Variants in ARHGAP44 observed in about 807,000 individuals in gnomAD.
ARHGAP44 encodes the protein rho GTPase-activating protein 44.
Under a neutral mutation model 106.8 loss-of-function variants are expected in ARHGAP44, and 43 were observed. The ratio of observed to expected loss-of-function variants is 0.40; its 90% CI spans 0.32 to 0.52. ARHGAP44 has a LOEUF of 0.52. Ranked by LOEUF, ARHGAP44 falls within the 20% of genes least tolerant of loss-of-function variation. The pLI is 0.48. For missense variants in ARHGAP44, 866 were observed against 1,050.5 expected (o/e 0.82, Z 2.43); for synonymous variants, 439 against 410.3 (o/e 1.07, Z -0.85).
In ARHGAP44 at chr17:12,980,171, C is replaced by T. The variant is rs770184726; in HGVS notation, c.1877C>T (p.Pro626Leu). Reference protein sequence around the residue: ...TQPGAQPGAQPGASPSPSQPP... With the variant: ...TQPGAQPGAQLGASPSPSQPP... ...CCAGGGGCTCAACCTGGAGCTCAGC[C>T]GGGCGCCAGCCCCAGCCCCAGCCAG... Residue 626 changes from proline (P) to leucine (L), a missense_variant, in exon 19 of 21, where the codon CCG becomes CTG. Physicochemically the swap from Pro to Leu is moderately conservative, Grantham distance 98 (BLOSUM62 -3). Transcript: ENST00000379672. The T allele has an allele frequency of 1.7e-5, 27 of 1,612,972 alleles. No homozygotes were observed. The highest frequency in any genetic ancestry group is 4.4e-5 in the South Asian group (4 of 91,020).
chr17:12,925,913 C>G (rs1276243294), intron 6 of ARHGAP44, among the ~76,000 whole-genome samples: 1 of 152,064 alleles, frequency 6.6e-6, no homozygotes, highest in African/African-American at 2.4e-5. Context: ...CAAAATTTTC[C>G]CAACATGACT....
intron 20 of ARHGAP44, among the ~76,000 whole-genome samples, chr17:12,989,636 C>T (rs951513579): frequency 1.3e-5 from 2 of 152,102 alleles, no homozygotes; most frequent in African/African-American, 4.8e-5. Context: ...GAAAGGGGTC[C>T]ACTGTCTCAC....
At chr17:12,932,540 G>A (rs372435262) in intron 7 of ARHGAP44, among the ~76,000 whole-genome samples, 9 of 152,144 alleles carry the variant, frequency 5.9e-5, no homozygotes, top group African/African-American at 1.9e-4. Flanking sequence ...CCTTTGCATG[G>A]GAAAAGATCC....
chr17:12,979,967 A>G, intron 18 of ARHGAP44, 91 bp from the exon 19 acceptor site: 1 of 1,358,950 alleles, frequency 7.4e-7, no homozygotes, highest in Non-Finnish European at 9.9e-7. Context: ...CACGGGGCCC[A>G]GAAGGACACA....
At chr17:12,976,321 G>A (rs995300194) in intron 18 of ARHGAP44, among the ~76,000 whole-genome samples, 4 of 148,470 alleles carry the variant, frequency 2.7e-5, no homozygotes, top group Non-Finnish European at 5.9e-5. Context: ...TGAGTAAAAA[G>A]TATTTTCACG....
intron 3 of ARHGAP44, among the ~76,000 whole-genome samples, chr17:12,906,054 C>G (rs912383991): frequency 3.3e-5 from 5 of 152,304 alleles, no homozygotes; most frequent in Non-Finnish European, 7.4e-5. Context: ...ATGCCAATAG[C>G]ATCTCCCATG....
At chr17:12,943,954 G>A in intron 9 of ARHGAP44, 115 bp from the exon 10 acceptor site, 6 of 1,261,564 alleles carry the variant, frequency 4.8e-6, no homozygotes, top group Non-Finnish European at 6.3e-6. Flanking sequence ...AGGCTCAATT[G>A]GGCCTCCCTC....
rs147960661 is a variant in ARHGAP44 at position 12,845,432 on chromosome 17, C to A, written c.54-49508C>A. Among the ~76,000 whole-genome samples the A allele has an allele frequency of 5.6e-3, 809 of 144,676 alleles. 9 individuals carry two copies. Among genetic ancestry groups the A allele is most frequent in the African/African-American group, 0.02 (774 of 39,086 alleles). The allele number at this position is 144,676 out of a possible 152,430, so 94.9% of individuals were successfully genotyped here. On this transcript the variant is annotated intron_variant, in intron 1 of 20. Coordinates refer to ENST00000379672, the MANE Select transcript of ARHGAP44 (RefSeq NM_014859.6). ...CTGAGGCAGGAGAATTGCTTGAAATCGGGAGGCGGAGGTTGCAGTGAGCCG... is the reference window on the plus strand; with the variant it reads ...CTGAGGCAGGAGAATTGCTTGAAATAGGGAGGCGGAGGTTGCAGTGAGCCG...
In ARHGAP44 at chr17:12,974,413, C is replaced by T. The variant is rs116580963; in HGVS notation, c.1763+103C>T. On this transcript the variant is annotated intron_variant, in intron 18 of 20. Coordinates refer to ENST00000379672, the MANE Select transcript of ARHGAP44 (RefSeq NM_014859.6). ...CTTGGATTTCGTCGTTTCCCATGCC[C>T]CCGCCCCCATTTCTAAGCATTCATA... The T allele has an allele frequency of 5.3e-4, 530 of 990,966 alleles. 3 individuals carry two copies. In the African/African-American group the frequency reaches 8.1e-3, roughly 15 times the overall value. 61.4% of individuals were successfully genotyped at this position (990,966 alleles called of 1,614,324 possible).
At chr17:12,826,355 C>T (rs1439553553) in intron 1 of ARHGAP44, among the ~76,000 whole-genome samples, 4 of 152,148 alleles carry the variant, frequency 2.6e-5, no homozygotes, top group African/African-American at 4.8e-5. Flanking sequence ...TCTTTGCAGA[C>T]TCTTTTATTC....
At position 12,903,156 on chromosome 17, in the gene ARHGAP44, T is replaced by A. The variant is rs865923298; in HGVS notation, c.199-5741T>A. ...GAGAGAGAGAGTGTGTGTGTGTGTGTGTGTGTGTGTGTGTGTGTGTGTGTG... is the reference window on the plus strand; with the variant it reads ...GAGAGAGAGAGTGTGTGTGTGTGTGAGTGTGTGTGTGTGTGTGTGTGTGTG... On this transcript the variant is annotated intron_variant, in intron 3 of 20. Coordinates refer to ENST00000379672, the MANE Select transcript of ARHGAP44 (RefSeq NM_014859.6). 3.4e-4 allele frequency among the ~76,000 whole-genome samples: 48 copies of A among 141,616 alleles called. 1 individual carries two copies. Among genetic ancestry groups the A allele is most frequent in the African/African-American group, 9.3e-4 (31 of 33,272 alleles). The allele number at this position is 141,616 out of a possible 152,430, so 92.9% of individuals were successfully genotyped here. A position where few individuals can be genotyped will look rare whatever the true frequency, so the allele number is the denominator to read the frequency against.
intron 1 of ARHGAP44, among the ~76,000 whole-genome samples, chr17:12,796,689 C>T (rs563978282): frequency 2.6e-5 from 4 of 152,066 alleles, no homozygotes; most frequent in East Asian, 1.9e-4. Flanking sequence ...CTCTGCCTCC[C>T]GGATTCATGC....
At chr17:12,861,055 CATGTTGGCCAGGCTG>C (rs897568261) in intron 1 of ARHGAP44, among the ~76,000 whole-genome samples, 1 of 152,026 alleles carries the variant, frequency 6.6e-6, no homozygotes, top group African/African-American at 2.4e-5. Context: ...GGAGTTTCAC[CATGTTGGCCAGGCTG>C]GTCTCGAACT....
In ARHGAP44 at chr17:12,980,222, C is replaced by A. The variant is rs553386211; in HGVS notation, c.1928C>A (p.Thr643Asn). Residue 643 changes from threonine to asparagine, a missense_variant, in exon 19 of 21, where the codon ACC (threonine) becomes AAC (asparagine). Physicochemically the swap from Thr to Asn is moderately conservative, Grantham distance 65. This residue lies in a region of ARHGAP44 where 418 missense variants were observed against 403.6 expected (regional missense o/e 1.04). Coordinates refer to ENST00000379672, the MANE Select transcript of ARHGAP44 (RefSeq NM_014859.6). ...SQPPADQSPHTLRKVSKKLAP... is the reference protein window; with the variant it reads ...SQPPADQSPHNLRKVSKKLAP... ...CCGCCTGCAGACCAGAGTCCTCACA[C>A]CCTCCGGAAAGGTATGGCCCTGCTT... is the stretch of plus-strand genomic sequence containing the variant. The A allele has an allele frequency of 2.5e-6, 4 of 1,612,326 alleles. No individual in the cohort carries two copies. Among genetic ancestry groups the A allele is most frequent in the Non-Finnish European group, 3.4e-6 (4 of 1,179,546 alleles).
Position 12,958,943 on chromosome 17 carries a change from G to C in ARHGAP44, c.1523+46G>C, listed in dbSNP as rs748384166. ...CTCAGCACTGGGGATTAGGGGAGGT[G>C]GTGGGGGTGGATGGGTGACGCATAA... On this transcript the variant is annotated intron_variant, in intron 16 of 20. Transcript: ENST00000379672. The surrounding 1 kb of genome is among the most constrained non-coding windows in gnomAD (Gnocchi z 4.1). 6.4e-7 allele frequency: 1 copy of C among 1,568,550 alleles called. No individual in the cohort carries two copies. The highest frequency in any genetic ancestry group is 8.7e-7 in the Non-Finnish European group (1 of 1,155,210).
intron 1 of ARHGAP44, among the ~76,000 whole-genome samples, chr17:12,799,047 A>T (rs896877031): frequency 1.3e-5 from 2 of 152,202 alleles, no homozygotes; most frequent in African/African-American, 4.8e-5. Context: ...TTTCCCTTTG[A>T]CAAGTTTTGC....
intron 13 of ARHGAP44, among the ~76,000 whole-genome samples, chr17:12,954,671 A>T (rs2039083926): frequency 1.3e-5 from 2 of 151,932 alleles, no homozygotes; most frequent in South Asian, 4.2e-4. Context: ...TTAGGACCAC[A>T]GCCTATTGTA....
chr17:12,800,847 A>T (rs1218545402), intron 1 of ARHGAP44, among the ~76,000 whole-genome samples: 1 of 152,004 alleles, frequency 6.6e-6, no homozygotes, highest in Non-Finnish European at 1.5e-5. Context: ...TCTCCCCCTA[A>T]TCTTGTTATT....
chr17:12,885,297 T>G (rs537433415), intron 1 of ARHGAP44, among the ~76,000 whole-genome samples: 19 of 151,944 alleles, frequency 1.3e-4, no homozygotes, highest in Admixed American at 1.0e-3. Flanking sequence ...GTATTACAAA[T>G]AAAGCTCTAT....
Sources: allele counts gnomAD v4.1 joint callset (sites outside exome capture counted in the v4.1 genomes callset), GRCh38; gene constraint gnomAD v4.1.1; regional missense constraint gnomAD v4.1.1; non-coding constraint Gnocchi (gnomAD v3.1); transcripts MANE v1.5; gene names NCBI Gene and HGNC (gene_info 2026-07-23, HGNC 2026-07-21).